The following EYS variants were observed in gnomAD, a reference collection of about 807,000 sequenced individuals.
EYS encodes protein eyes shut homolog.
EYS carries 250 observed loss-of-function variants against 282.1 expected under a neutral mutation model. That is an observed-to-expected ratio of 0.89 (90% CI 0.80 to 0.98). EYS has a LOEUF of 0.98. Among genes scored for constraint, EYS ranks in the 50% least tolerant of loss-of-function variants. The pLI is 0.00. For synonymous variants in EYS, 1,355 were observed against 1,282.9 expected (o/e 1.06, Z -1.20); for missense variants, 4,016 against 3,709.0 (o/e 1.08, Z -2.15).
intron 33 of EYS, among the ~76,000 whole-genome samples, chr6:64,052,057 A>T (rs1286422926): frequency 6.6e-6 from 1 of 152,212 alleles, no homozygotes; most frequent in Non-Finnish European, 1.5e-5. Context: ...ATTGAACTAC[A>T]TTATTGTTAA....
chr6:65,212,690 C>T (rs968639353), intron 12 of EYS, among the ~76,000 whole-genome samples: 5 of 151,856 alleles, frequency 3.3e-5, no homozygotes, highest in African/African-American at 1.2e-4. Context: ...CAGTGCTGTT[C>T]TAAGAAATTA....
intron 26 of EYS, among the ~76,000 whole-genome samples, chr6:64,550,260 G>A (rs953742317): frequency 6.6e-6 from 1 of 152,220 alleles, no homozygotes; most frequent in East Asian, 1.9e-4. Context: ...CCAGTAATGG[G>A]ATTGCTGGGT....
At chr6:64,434,120 T>A (rs1324397348) in intron 28 of EYS, among the ~76,000 whole-genome samples, 2 of 151,420 alleles carry the variant, frequency 1.3e-5, no homozygotes, top group African/African-American at 2.5e-5. Flanking sequence ...GTGATCTTAT[T>A]ACAAGAGGAA....
rs372693614 is a variant in EYS, at chr6:65,279,046, T to C, written c.2023+16817A>G. Among the ~76,000 whole-genome samples the C allele has an allele frequency of 7.8e-4, 119 of 152,068 alleles. 1 individual carries two copies. Among genetic ancestry groups the C allele is most frequent in the African/African-American group, 2.7e-3 (113 of 41,488 alleles). On this transcript the variant is annotated intron_variant, in intron 12 of 42. Transcript: ENST00000503581. ...TCTACTAAAAATACAAAAATATTAG[T>C]TGGATGTGGTGGCATCCTGTAGTCC...
intron 10 of EYS, among the ~76,000 whole-genome samples, chr6:65,340,681 C>G (rs1233350510): frequency 6.6e-6 from 1 of 151,174 alleles, no homozygotes; most frequent in East Asian, 2.0e-4. Context: ...AGGCTCTACA[C>G]CAAATAAATA....
intron 22 of EYS, among the ~76,000 whole-genome samples, chr6:64,643,698 C>T (rs1246322246): frequency 2.0e-5 from 3 of 152,158 alleles, no homozygotes; most frequent in Non-Finnish European, 4.4e-5. Context: ...GGTCTTTCTC[C>T]TGCTTTCTCA....
At chr6:64,470,080 G>T (rs1041616389) in intron 26 of EYS, among the ~76,000 whole-genome samples, 1 of 151,920 alleles carries the variant, frequency 6.6e-6, no homozygotes, top group African/African-American at 2.4e-5. Flanking sequence ...TCCTTATCCT[G>T]CCCCTTTGTC....
chr6:64,573,468 A>C (rs1193313378), intron 26 of EYS, among the ~76,000 whole-genome samples: 2 of 152,188 alleles, frequency 1.3e-5, no homozygotes, highest in African/African-American at 4.8e-5. Flanking sequence ...CAGCAAAAGA[A>C]ACTATCATCA....
intron 16 of EYS, among the ~76,000 whole-genome samples, chr6:64,905,516 GTATGGCTA>G (rs914030424): frequency 2.0e-5 from 3 of 152,084 alleles, no homozygotes; most frequent in Non-Finnish European, 2.9e-5. Context: ...TCTCGTCTGT[GTATGGCTA>G]TAACAAATAC....
At chr6:64,488,946 T>C (rs1394250245) in intron 26 of EYS, among the ~76,000 whole-genome samples, 1 of 150,974 alleles carries the variant, frequency 6.6e-6, no homozygotes, top group Non-Finnish European at 1.5e-5. Flanking sequence ...TAGGAATTAT[T>C]TGATATTATT....
intron 12 of EYS, among the ~76,000 whole-genome samples, chr6:65,281,312 T>C (rs1365864818): frequency 2.0e-5 from 3 of 152,122 alleles, no homozygotes; most frequent in Admixed American, 6.6e-5. Context: ...AGATAAATGT[T>C]AATATTCAAC....
intron 13 of EYS, among the ~76,000 whole-genome samples, chr6:65,018,951 A>G (rs1171073855): frequency 6.6e-6 from 1 of 152,174 alleles, no homozygotes; most frequent in Non-Finnish European, 1.5e-5. Context: ...ACCTTACTGT[A>G]TGACATCATT....
chr6:63,824,471 G>A (rs952818908), intron 36 of EYS, among the ~76,000 whole-genome samples: 1 of 152,132 alleles, frequency 6.6e-6, no homozygotes, highest in Non-Finnish European at 1.5e-5. Context: ...AAAATTAAAT[G>A]TTACTGCAAG....
At chr6:63,723,877 A>G (rs1768510491) in intron 42 of EYS, among the ~76,000 whole-genome samples, 1 of 150,990 alleles carries the variant, frequency 6.6e-6, no homozygotes, top group Admixed American at 6.6e-5. Flanking sequence ...GCTGGAGTGC[A>G]ATGGTGCAAT....
At chr6:64,035,925 A>G (rs1166497693) in intron 33 of EYS, among the ~76,000 whole-genome samples, 1 of 152,164 alleles carries the variant, frequency 6.6e-6, no homozygotes, top group Non-Finnish European at 1.5e-5. Context: ...CTTAGCTCTG[A>G]AGTTTTGGTT....
At chr6:65,682,738 G>A (rs1366459128) in intron 1 of EYS, among the ~76,000 whole-genome samples, 2 of 151,822 alleles carry the variant, frequency 1.3e-5, no homozygotes, top group Non-Finnish European at 2.9e-5. Context: ...CCAGAGCACA[G>A]AGACAAATAC....
At chr6:63,923,970 C>T (rs751295285) in intron 35 of EYS, among the ~76,000 whole-genome samples, 5 of 152,026 alleles carry the variant, frequency 3.3e-5, no homozygotes, top group South Asian at 2.1e-4. Context: ...GGTCAATAAA[C>T]ATAATGAAAT....
chr6:65,002,487 TTTTATATCTGG>T (rs148602293), intron 13 of EYS, among the ~76,000 whole-genome samples: 11,441 of 147,402 alleles, frequency 0.078, 1,765 homozygotes, highest in East Asian at 0.17. Flanking sequence ...CACCACTACC[TTTTATATCTGG>T]GTTCTTTTAT....
chr6:65,459,080 A>G (rs1764727620), intron 5 of EYS, among the ~76,000 whole-genome samples: 1 of 152,130 alleles, frequency 6.6e-6, no homozygotes, highest in Non-Finnish European at 1.5e-5. Context: ...AAAATCAGAG[A>G]AAAACACTTT....
Sources: gnomAD v4.1 joint callset for allele counts (sites outside exome capture counted in the v4.1 genomes callset) on GRCh38, gnomAD v4.1.1 for gene constraint, MANE v1.5 for transcripts, NCBI Gene and HGNC (gene_info 2026-07-23, HGNC 2026-07-21) for gene names.